The following RBFOX1 variants were observed in gnomAD, a reference collection of about 807,000 sequenced individuals.
The protein encoded by RBFOX1 is RNA binding protein fox-1 homolog 1.
Under a neutral mutation model 57.7 loss-of-function variants are expected in RBFOX1, and 8 were observed. That is an observed-to-expected ratio of 0.14 (90% confidence interval 0.08 to 0.25). RBFOX1 has a LOEUF of 0.25. Among genes scored for constraint, RBFOX1 ranks in the 10% least tolerant of loss-of-function variants. RBFOX1 has a pLI of 1.00. For synonymous variants in RBFOX1, 326 were observed against 222.4 expected (o/e 1.47, Z -4.15); for missense variants, 611 against 548.5 (o/e 1.11, Z -1.14).
At chr16:6,322,872 T>A (rs574671771) in intron 2 of RBFOX1, among the ~76,000 whole-genome samples, 1 of 152,288 alleles carries the variant, frequency 6.6e-6, no homozygotes, top group Admixed American at 6.5e-5. Context: ...TTAGAGTCTG[T>A]GGTCTGGAAG....
At chr16:6,138,985 A>T (rs1407786042) in intron 1 of RBFOX1, among the ~76,000 whole-genome samples, 1 of 152,210 alleles carries the variant, frequency 6.6e-6, no homozygotes, top group Non-Finnish European at 1.5e-5. Flanking sequence ...ATGTGTGAAC[A>T]TCAGGAGGCA....
intron 4 of RBFOX1, among the ~76,000 whole-genome samples, chr16:7,515,264 T>G (rs894880267): frequency 2.6e-5 from 4 of 151,818 alleles, no homozygotes; most frequent in African/African-American, 9.7e-5. Context: ...GCAGAAGTTT[T>G]TTTTTTTTTT....
At chr16:5,467,305 A>G (rs2068984205) in intron 2 of RBFOX1, 7 of 1,439,714 alleles carry the variant, frequency 4.9e-6, no homozygotes, top group Admixed American at 2.1e-5. Context: ...TCTAGTGGAA[A>G]TGAAAGCAAT....
intron 3 of RBFOX1, among the ~76,000 whole-genome samples, chr16:5,797,010 A>T (rs1158248348): frequency 1.3e-5 from 2 of 152,204 alleles, no homozygotes; most frequent in Non-Finnish European, 2.9e-5. Flanking sequence ...TACATAAAAT[A>T]ACTGCAAAAG....
intron 1 of RBFOX1, among the ~76,000 whole-genome samples, chr16:5,292,458 T>A (rs114891560): frequency 0.015 from 2,247 of 152,286 alleles, 55 homozygotes; most frequent in African/African-American, 0.05. Flanking sequence ...AGCCATGTTG[T>A]TAATCCACAG....
chr16:6,836,464 T>C (rs1346368031), intron 3 of RBFOX1, among the ~76,000 whole-genome samples: 1 of 152,242 alleles, frequency 6.6e-6, no homozygotes, highest in Non-Finnish European at 1.5e-5. Context: ...CTTAGCTCTG[T>C]GCAGAGGTAT....
chr16:7,426,861 A>G (rs544533221), intron 4 of RBFOX1, among the ~76,000 whole-genome samples: 1 of 152,288 alleles, frequency 6.6e-6, no homozygotes, highest in South Asian at 2.1e-4. Context: ...ATGAGGGTGC[A>G]TCAGCATTCC....
rs370048079 is a variant in RBFOX1 at position 6,973,010 on chromosome 16, A to T, written c.-15-79047A>T. On this transcript the variant is annotated intron_variant, in intron 3 of 15. Transcript: ENST00000550418. ...GCCCAGCACGGTGGTAGGCACCTGT[A>T]ATCCCAGCTACTTGGGAGGCTGAGG... 1.8e-4 allele frequency among the ~76,000 whole-genome samples: 28 copies of T among 152,244 alleles called. No individual in the cohort carries two copies. The East Asian group carries it at 5.2e-3, about 28-fold the overall frequency.
At chr16:6,491,441 G>C (rs2095630734) in intron 2 of RBFOX1, among the ~76,000 whole-genome samples, 1 of 152,040 alleles carries the variant, frequency 6.6e-6, no homozygotes, top group Non-Finnish European at 1.5e-5. Flanking sequence ...AATTTTCTTA[G>C]GAATCTAAAC....
At position 6,344,525 on chromosome 16, in the gene RBFOX1, G is replaced by A. The variant is rs1261447446; in HGVS notation, c.-64+27468G>A. On this transcript the variant is annotated intron_variant, in intron 2 of 15. Coordinates refer to ENST00000550418, the MANE Select transcript of RBFOX1 (RefSeq NM_018723.4). ...CCATTCTCCTGCCTCAGCCTCCTGA[G>A]TAGCTGGGACTATAGGTACCCACCA... is the stretch of plus-strand genomic sequence containing the variant. 2.7e-5 allele frequency among the ~76,000 whole-genome samples: 4 copies of A among 148,554 alleles called. No individual in the cohort carries two copies. The East Asian group carries it at 7.9e-4, about 29-fold the overall frequency.
At chr16:7,445,568 G>A (rs1278162300) in intron 4 of RBFOX1, among the ~76,000 whole-genome samples, 1 of 152,186 alleles carries the variant, frequency 6.6e-6, no homozygotes, top group Non-Finnish European at 1.5e-5. Context: ...TGATTCAAAT[G>A]TAAATTGTCC....
intron 4 of RBFOX1, among the ~76,000 whole-genome samples, chr16:5,920,246 C>A (rs1290757845): frequency 6.6e-6 from 1 of 152,164 alleles, no homozygotes; most frequent in African/African-American, 2.4e-5. Context: ...ATTAGTACTT[C>A]CTTTCTGTAG....
intron 2 of RBFOX1, among the ~76,000 whole-genome samples, chr16:6,472,704 A>G (rs1597735791): frequency 6.6e-6 from 1 of 150,534 alleles, no homozygotes; most frequent in Non-Finnish European, 1.5e-5. Flanking sequence ...GCTCACTGCA[A>G]CCTCCGCCTC....
At chr16:5,963,804 C>T (rs1596308949) in intron 4 of RBFOX1, among the ~76,000 whole-genome samples, 1 of 152,112 alleles carries the variant, frequency 6.6e-6, no homozygotes, top group African/African-American at 2.4e-5. Context: ...CCATAAGACT[C>T]CTAGAAACAA....
chr16:6,210,689 C>T (rs2097290595), intron 1 of RBFOX1, among the ~76,000 whole-genome samples: 1 of 151,892 alleles, frequency 6.6e-6, no homozygotes, highest in African/African-American at 2.4e-5. Context: ...TGCCACTGCA[C>T]TCCAGTGCCT....
chr16:7,251,609 G>A (rs1201634453), intron 4 of RBFOX1, among the ~76,000 whole-genome samples: 4 of 151,900 alleles, frequency 2.6e-5, no homozygotes, highest in East Asian at 1.9e-4. Flanking sequence ...TAGTGGAGAC[G>A]AAGTTTCACC....
At chr16:6,012,479 T>A (rs1241048920) in intron 4 of RBFOX1, among the ~76,000 whole-genome samples, 1 of 152,148 alleles carries the variant, frequency 6.6e-6, no homozygotes, top group Non-Finnish European at 1.5e-5. Flanking sequence ...TACTGGCACT[T>A]AATGGGTAGA....
intron 4 of RBFOX1, among the ~76,000 whole-genome samples, chr16:7,061,036 G>C (rs188938594): frequency 6.6e-6 from 1 of 152,052 alleles, no homozygotes; most frequent in African/African-American, 2.4e-5. Flanking sequence ...GTGTGTGTGT[G>C]TGTACGTGCA....
chr16:6,507,507 CAAAAA>C (rs57685233), intron 2 of RBFOX1, among the ~76,000 whole-genome samples: 1 of 97,208 alleles, frequency 1.0e-5, no homozygotes, highest in Admixed American at 1.3e-4. Context: ...CCTATCTGTA[CAAAAA>C]AAAAAAAAAA....
Sources: allele counts gnomAD v4.1 joint callset (sites outside exome capture counted in the v4.1 genomes callset), GRCh38; gene constraint gnomAD v4.1.1; transcripts MANE v1.5; gene names NCBI Gene and HGNC (gene_info 2026-07-23, HGNC 2026-07-21).